The following RYR2 variants were observed in gnomAD, a reference collection of about 807,000 sequenced individuals.
RYR2 encodes ryanodine receptor 2.
In RYR2, 227 loss-of-function variants were observed where a neutral mutation model predicts 601.1. The observed-to-expected ratio is 0.38, with a 90% CI of 0.34 to 0.42. The LOEUF is 0.42. RYR2 is among the 10% of genes least tolerant of loss of function. The pLI, the probability that RYR2 is intolerant of heterozygous loss-of-function variation, is 1.00. For synonymous variants in RYR2, 2,223 were observed against 2,175.1 expected, an observed-to-expected ratio of 1.02 and a Z score of -0.61; for missense variants, 4,646 against 6,156.5, an observed-to-expected ratio of 0.75 and a Z score of 8.21.
chr1:237,455,523 C>T (rs1658702573), intron 15 of RYR2, among the ~76,000 whole-genome samples: 1 of 151,984 alleles, frequency 6.6e-6, no homozygotes, highest in African/African-American at 2.4e-5. Context: ...CAGTGACACG[C>T]AATATACCCA....
intron 97 of RYR2, among the ~76,000 whole-genome samples, chr1:237,798,970 A>G (rs937332924): frequency 6.6e-6 from 1 of 152,206 alleles, no homozygotes; most frequent in Non-Finnish European, 1.5e-5. Context: ...TAGGGATGTG[A>G]TGGTTACTTT....
chr1:237,484,003 T>G (rs1662405042), intron 17 of RYR2, among the ~76,000 whole-genome samples: 1 of 151,960 alleles, frequency 6.6e-6, no homozygotes, highest in African/African-American at 2.4e-5. Flanking sequence ...ACTGTTTGAC[T>G]GGCACTGTAT....
chr1:237,787,356 G>A (rs1472892713), intron 91 of RYR2, among the ~76,000 whole-genome samples: 2 of 152,008 alleles, frequency 1.3e-5, no homozygotes, highest in Non-Finnish European at 2.9e-5. Flanking sequence ...TTGGGAGGCC[G>A]AGGCGGGCGG....
At chr1:237,429,777 T>C (rs1706599149) in intron 12 of RYR2, among the ~76,000 whole-genome samples, 1 of 152,132 alleles carries the variant, frequency 6.6e-6, no homozygotes, top group African/African-American at 2.4e-5. Flanking sequence ...TCTATGTATT[T>C]TTAAGTTGTG....
chr1:237,453,190 A>T (rs1658407101), intron 14 of RYR2, among the ~76,000 whole-genome samples: 1 of 152,088 alleles, frequency 6.6e-6, no homozygotes, highest in Admixed American at 6.6e-5. Context: ...TCACTCTTGC[A>T]TTTTGGGCAC....
chr1:237,742,929 T>C (rs1691738728), intron 80 of RYR2, among the ~76,000 whole-genome samples: 1 of 152,202 alleles, frequency 6.6e-6, no homozygotes, highest in Non-Finnish European at 1.5e-5. Flanking sequence ...TAATTTGAAA[T>C]GCTGCTTAAT....
At chr1:237,050,850 A>G (rs887734609) in intron 1 of RYR2, among the ~76,000 whole-genome samples, 1 of 152,248 alleles carries the variant, frequency 6.6e-6, no homozygotes, top group African/African-American at 2.4e-5. Flanking sequence ...TCTTTTCCAC[A>G]GCAGGTTTCT....
intron 15 of RYR2, among the ~76,000 whole-genome samples, chr1:237,454,996 G>A (rs973121605): frequency 6.6e-6 from 1 of 152,256 alleles, no homozygotes. Flanking sequence ...GAAGCTTCGT[G>A]TTGGGGATGG....
intron 80 of RYR2, among the ~76,000 whole-genome samples, chr1:237,751,283 G>A (rs1238251058): frequency 1.3e-5 from 2 of 152,180 alleles, no homozygotes; most frequent in African/African-American, 4.8e-5. Context: ...AAACAAATAA[G>A]TGGGTAAATG....
At chr1:237,656,112 G>A in intron 53 of RYR2, 128 bp downstream of exon 53, 1 of 690,598 alleles carries the variant, frequency 1.4e-6, no homozygotes, top group Non-Finnish European at 2.3e-6. Flanking sequence ...TTTAATAGGG[G>A]TCCCTTTAAT....
chr1:237,354,775 T>C (rs896438530), intron 3 of RYR2, among the ~76,000 whole-genome samples: 3 of 152,178 alleles, frequency 2.0e-5, no homozygotes, highest in African/African-American at 7.2e-5. Flanking sequence ...CAAGTGTTTT[T>C]CTTAAATAAC....
At chr1:237,335,999 A>G (rs1391648666) in intron 3 of RYR2, among the ~76,000 whole-genome samples, 1 of 152,094 alleles carries the variant, frequency 6.6e-6, no homozygotes, top group Non-Finnish European at 1.5e-5. Flanking sequence ...AAGGTAACTT[A>G]TATCTTATAA....
chr1:237,252,601 A>G (rs1687569977), intron 1 of RYR2, among the ~76,000 whole-genome samples: 1 of 152,232 alleles, frequency 6.6e-6, no homozygotes, highest in Non-Finnish European at 1.5e-5. Flanking sequence ...GAATGAATGA[A>G]TTTAATTTTT....
intron 81 of RYR2, among the ~76,000 whole-genome samples, chr1:237,757,134 T>C (rs1232889844): frequency 1.3e-5 from 2 of 152,204 alleles, no homozygotes; most frequent in Admixed American, 6.5e-5. Flanking sequence ...TTTATATTTC[T>C]AGGATAAATA....
intron 1 of RYR2, among the ~76,000 whole-genome samples, chr1:237,192,294 C>T (rs778342889): frequency 9.9e-5 from 15 of 152,116 alleles, no homozygotes; most frequent in Non-Finnish European, 1.6e-4. Context: ...CTGCAACCTC[C>T]GCCTCCTGGG....
At chr1:237,421,439 T>C (rs1353643900) in intron 11 of RYR2, among the ~76,000 whole-genome samples, 1 of 152,168 alleles carries the variant, frequency 6.6e-6, no homozygotes, top group African/African-American at 2.4e-5. Flanking sequence ...TTTATTAGTA[T>C]ACGGTTATTA....
intron 24 of RYR2, among the ~76,000 whole-genome samples, chr1:237,526,358 T>G (rs903484962): frequency 1.3e-5 from 2 of 152,120 alleles, no homozygotes; most frequent in African/African-American, 4.8e-5. Flanking sequence ...CTTTTCTTTT[T>G]TTTTTCAGGA....
Position 237,727,186 on chromosome 1 carries a change from T to C in RYR2, c.10825T>C (p.Tyr3609His). The C allele has an allele frequency of 6.5e-7, 1 of 1,540,254 alleles. No individual in the cohort carries two copies. Among genetic ancestry groups the C allele is most frequent in the East Asian group, 2.3e-5 (1 of 44,032 alleles). ...AGCCTGCTTCCGGATGGCCCCCTTA[T>C]ATAATCTGCCAAGGTCGGAATTACT... ...VVACFRMAPL[Y>H]NLPRHRAVNL... The change falls in exon 76 of 105, where the codon TAT becomes CAT. Residue 3609 changes from tyrosine to histidine, a missense_variant. Tyr to His is a moderately conservative substitution (Grantham distance 83, BLOSUM62 2). Coordinates refer to ENST00000366574, the MANE Select transcript of RYR2 (RefSeq NM_001035.3).
chr1:237,418,976 T>G (rs200256612), intron 11 of RYR2, among the ~76,000 whole-genome samples: 3 of 57,190 alleles, frequency 5.2e-5, no homozygotes, highest in East Asian at 7.5e-4. Context: ...AAAGGAAAAC[T>G]CATAGCTTTT....
Sources: gnomAD v4.1 joint callset for allele counts (sites outside exome capture counted in the v4.1 genomes callset) on GRCh38, gnomAD v4.1.1 for gene constraint, MANE v1.5 for transcripts, NCBI Gene and HGNC (gene_info 2026-07-23, HGNC 2026-07-21) for gene names.